B4GALNT2: variants seen among roughly 807,000 people sequenced by gnomAD.
B4GALNT2 encodes beta-1,4-N-acetyl-galactosaminyltransferase 2 (SID blood group), also known as N-acetylneuraminylgalactosylglucosyl-glucoside beta-1,4-N- acetylgalactosaminyltransferase 2.
In B4GALNT2, 42 loss-of-function variants were observed where a neutral mutation model predicts 51.1. The ratio of observed to expected loss-of-function variants is 0.82; its 90% CI spans 0.64 to 1.06. The LOEUF is 1.06. Among genes scored for constraint, B4GALNT2 ranks in the 50% least tolerant of loss-of-function variants. The pLI, the probability that B4GALNT2 is intolerant of heterozygous loss-of-function variation, is 0.00. For synonymous variants in B4GALNT2, 253 were observed against 251.7 expected (o/e 1.01, Z -0.05); for missense variants, 602 against 633.6 (o/e 0.95, Z 0.54).
chr17:49,140,400 T>C (rs1598198185), intron 1 of B4GALNT2, among the ~76,000 whole-genome samples: 1 of 152,156 alleles, frequency 6.6e-6, no homozygotes, highest in East Asian at 1.9e-4. Flanking sequence ...ACACCCGGCA[T>C]ATGTGGCCAA....
At chr17:49,148,676 A>G (rs940758506) in intron 3 of B4GALNT2, 3 of 561,988 alleles carry the variant, frequency 5.3e-6, no homozygotes, top group African/African-American at 3.8e-5. Context: ...CCTTCATGAC[A>G]TGAAGGTCGG....
At chr17:49,132,708 C>A, upstream of B4GALNT2, 1 of 1,356,530 alleles carries the variant, frequency 7.4e-7, no homozygotes, top group Middle Eastern at 2.6e-4. Flanking sequence ...GAGAATTTGC[C>A]CGGGTCGGTG....
At chr17:49,158,794 G>A (rs2042834243) in intron 5 of B4GALNT2, among the ~76,000 whole-genome samples, 2 of 152,134 alleles carry the variant, frequency 1.3e-5, no homozygotes, top group African/African-American at 4.8e-5. Context: ...GCTGAGAGAT[G>A]GGAATGTTTC....
At position 49,174,934 on chromosome 17, in the gene B4GALNT2, A is replaced by G. The variant is rs2042978280; in HGVS notation, c.*5206A>G. The G allele has an allele frequency of 6.6e-6, 1 of 152,172 alleles. No individual in the cohort carries two copies. Among genetic ancestry groups the G allele is most frequent in the East Asian group, 1.9e-4 (1 of 5,202 alleles). The allele number at this position is 152,172 out of a possible 1,614,324, so 9.4% of individuals were successfully genotyped here. ...ATACGTTGACTTTGAGGGCTATACA[A>G]TTGCTCTAGAATTAGAACTTGTGCT... On this transcript the variant is annotated 3_prime_UTR_variant, in exon 11 of 11. Transcript: ENST00000393354.
the B4GALNT2 span, among the ~76,000 whole-genome samples, chr17:49,126,133 CTT>C: frequency 5.3e-5 from 8 of 152,100 alleles, no homozygotes; most frequent in Admixed American, 5.2e-4. Flanking sequence ...ACATGGGAAA[CTT>C]TTCATTTTGT....
rs1305588227 is a variant in B4GALNT2 at position 49,175,121 on chromosome 17, G to A, written c.*5393G>A. ...CAACTCCAACTATGTTAAATTGAGT[G>A]GGTTGAATTTGCCACGTGGACAGCC... On this transcript the variant is annotated 3_prime_UTR_variant, in exon 11 of 11. Coordinates refer to ENST00000393354, the MANE Select transcript of B4GALNT2 (RefSeq NM_001159387.2). 1 of 152,148 alleles carries A rather than the reference G, an allele frequency of 6.6e-6. No homozygotes were observed. Among genetic ancestry groups the A allele is most frequent in the East Asian group, 1.9e-4 (1 of 5,192 alleles). 9.4% of individuals were successfully genotyped at this position (152,148 alleles called of 1,614,324 possible).
rs1278831761 is a variant in B4GALNT2 at position 49,156,577 on chromosome 17, G to A, written c.472G>A (p.Glu158Lys). Residue 158 changes from glutamate (E) to lysine (K), a missense_variant, in exon 5 of 11, where the codon GAA becomes AAA. Physicochemically the swap from Glu to Lys is moderately conservative, Grantham distance 56. Transcript: ENST00000393354. ...HTVPIPGLQF[E>K]GPDAPVYEVT... is the part of the protein sequence containing the mutation. ...CCTGTGTCCTCCAGGCCTCCAGTTT[G>A]AAGGACCCGATGCCCCCGTCTATGA... 6.2e-7 allele frequency: 1 copy of A among 1,613,712 alleles called. No individual in the cohort carries two copies. Among genetic ancestry groups the A allele is most frequent in the Non-Finnish European group, 8.5e-7 (1 of 1,179,928 alleles).
chr17:49,162,119 C>CA (rs745369562), intron 7 of B4GALNT2, among the ~76,000 whole-genome samples: 31 of 151,854 alleles, frequency 2.0e-4, no homozygotes, highest in Non-Finnish European at 3.1e-4. Context: ...TCCCAAGTAG[C>CA]TGGGACTACA....
chr17:49,143,309 C>CAAAAAAAA (rs1351318191), intron 3 of B4GALNT2, among the ~76,000 whole-genome samples: 3 of 151,620 alleles, frequency 2.0e-5, no homozygotes, highest in Admixed American at 2.0e-4. Flanking sequence ...AACAAAAAAA[C>CAAAAAAAA]AAAAAACAAG....
the B4GALNT2 span, among the ~76,000 whole-genome samples, chr17:49,122,800 C>T: frequency 6.6e-6 from 1 of 152,218 alleles, no homozygotes. Flanking sequence ...CAAAATGCTA[C>T]AGTAACTGAG....
chr17:49,153,791 A>T (rs2042782030), intron 4 of B4GALNT2, among the ~76,000 whole-genome samples: 1 of 151,894 alleles, frequency 6.6e-6, no homozygotes, highest in South Asian at 2.1e-4. Context: ...TACAGGCATG[A>T]GCCACCGCGC....
chr17:49,176,446 A>G lies in B4GALNT2; in HGVS notation c.*6718A>G, dbSNP rs1457762891. On this transcript the variant is annotated 3_prime_UTR_variant, in exon 11 of 11. Coordinates refer to ENST00000393354, the MANE Select transcript of B4GALNT2 (RefSeq NM_001159387.2). ...GGAAACAAAGGGATGGACTGAAACAAAGGGATGGGCTCTGGCTAGTTATCT... is the reference window on the plus strand; with the variant it reads ...GGAAACAAAGGGATGGACTGAAACAGAGGGATGGGCTCTGGCTAGTTATCT... The G allele has an allele frequency of 2.0e-5, 3 of 151,342 alleles. No individual in the cohort carries two copies. The highest frequency in any genetic ancestry group is 6.6e-5 in the Admixed American group (1 of 15,232). The allele number at this position is 151,342 out of a possible 1,614,324, so 9.4% of individuals were successfully genotyped here.
chr17:49,147,700 C>T (rs902651186), intron 3 of B4GALNT2, among the ~76,000 whole-genome samples: 4 of 151,968 alleles, frequency 2.6e-5, no homozygotes, highest in African/African-American at 9.7e-5. Flanking sequence ...TTAACCCACT[C>T]CCCTGACCAC....
chr17:49,143,023 C>A (rs1237013850), intron 3 of B4GALNT2, among the ~76,000 whole-genome samples: 1 of 151,874 alleles, frequency 6.6e-6, no homozygotes, highest in Non-Finnish European at 1.5e-5. Flanking sequence ...CTGAGGTGGG[C>A]GGATCACTTG....
chr17:49,150,714 C>T (rs2042744752), intron 3 of B4GALNT2, among the ~76,000 whole-genome samples: 2 of 151,188 alleles, frequency 1.3e-5, no homozygotes, highest in African/African-American at 4.9e-5. Context: ...TAAACAGATG[C>T]TTGACGGCAG....
rs1488270461 is a variant in B4GALNT2, at chr17:49,164,137, C to T, written c.816C>T (p.Arg272=). Reference sequence around the variant, plus strand: ...CCATTGCTACCAAGACTTTCCTCCGCCCCCACAAGCTCATGATCATGCTCC... The same window carrying T: ...CCATTGCTACCAAGACTTTCCTCCGTCCCCACAAGCTCATGATCATGCTCC... ...LVTIATKTFL[R]PHKLMIMLRS... is the part of the protein sequence containing the mutation. The change falls in exon 8 of 11, where the codon CGC becomes CGT. Residue 272 remains arginine (R), a synonymous_variant. Transcript: ENST00000393354. 3.1e-6 allele frequency: 5 copies of T among 1,614,120 alleles called. No homozygotes were observed. In the South Asian group the frequency reaches 5.5e-5, roughly 18 times the overall value.
At chr17:49,133,014 G>T in intron 1 of B4GALNT2, 1 of 1,474,200 alleles carries the variant, frequency 6.8e-7, no homozygotes, top group East Asian at 2.7e-5. Flanking sequence ...AACGAACTCT[G>T]CACCCCCAGG....
chr17:49,148,661 C>G, intron 3 of B4GALNT2: 1 of 568,140 alleles, frequency 1.8e-6, no homozygotes, highest in Non-Finnish European at 3.3e-6. Flanking sequence ...TGAGAGACTG[C>G]ACAACCTTCA....
At chr17:49,135,510 G>C (rs997545654) in intron 1 of B4GALNT2, among the ~76,000 whole-genome samples, 8 of 151,370 alleles carry the variant, frequency 5.3e-5, no homozygotes, top group African/African-American at 1.7e-4. Flanking sequence ...CACCCGCCTC[G>C]GCCTCCCAAA....
Sources: allele counts gnomAD v4.1 joint callset (sites outside exome capture counted in the v4.1 genomes callset), GRCh38; gene constraint gnomAD v4.1.1; transcripts MANE v1.5; gene names NCBI Gene and HGNC (gene_info 2026-07-23, HGNC 2026-07-21).